MACROD2: variants seen among roughly 807,000 people sequenced by gnomAD.
MACROD2 encodes the protein mono-ADP ribosylhydrolase 2, also known as ADP-ribose glycohydrolase MACROD2.
A neutral mutation model predicts 70.4 loss-of-function variants in MACROD2; 36 were observed. The ratio of observed to expected loss-of-function variants is 0.51; its 90% confidence interval spans 0.39 to 0.68. MACROD2 has a LOEUF of 0.68. MACROD2 is among the 30% of genes least tolerant of loss of function. MACROD2 has a pLI of 0.00. For missense variants in MACROD2, 496 were observed against 538.4 expected, an observed-to-expected ratio of 0.92 and a Z score of 0.78; for synonymous variants, 172 against 178.8, an observed-to-expected ratio of 0.96 and a Z score of 0.30.
At chr20:15,703,192 C>A (rs559317121) in intron 8 of MACROD2, among the ~76,000 whole-genome samples, 2 of 152,280 alleles carry the variant, frequency 1.3e-5, no homozygotes, top group African/African-American at 4.8e-5. Flanking sequence ...TAGAATTCTG[C>A]AAGAAAACCT....
chr20:14,620,835 A>G (rs1983786693), intron 4 of MACROD2, among the ~76,000 whole-genome samples: 1 of 152,100 alleles, frequency 6.6e-6, no homozygotes, highest in African/African-American at 2.4e-5. Context: ...TTTAATTTAA[A>G]TGAGTTTATT....
At chr20:14,154,620 G>A (rs980955603) in intron 3 of MACROD2, among the ~76,000 whole-genome samples, 22 of 141,524 alleles carry the variant, frequency 1.6e-4, no homozygotes, top group African/African-American at 5.6e-4. Flanking sequence ...CACCATGTTA[G>A]CCAGGATGGT....
At chr20:14,111,786 TGG>T (rs2148685709) in intron 3 of MACROD2, among the ~76,000 whole-genome samples, 1 of 152,142 alleles carries the variant, frequency 6.6e-6, no homozygotes, top group Admixed American at 6.6e-5. Context: ...ACAATCACTG[TGG>T]AGAACAGTTT....
chr20:15,342,547 A>G (rs1275909993), intron 6 of MACROD2, among the ~76,000 whole-genome samples: 2 of 152,178 alleles, frequency 1.3e-5, no homozygotes, highest in Non-Finnish European at 2.9e-5. Flanking sequence ...ACAAAAATGT[A>G]TGGGATGGGG....
chr20:15,432,242 A>G lies in MACROD2; in HGVS notation c.571+807A>G, dbSNP rs113010376. Among the ~76,000 whole-genome samples, 1,191 of 152,256 alleles carry G rather than the reference A, an allele frequency of 7.8e-3. 19 individuals carry two copies. The highest frequency in any genetic ancestry group is 0.027 in the African/African-American group (1,108 of 41,566). ...TATTTTAAATTCATTATTACAATGAAGGACTACCTAGATTGATGTCAAAGG... is the reference window on the plus strand; with the variant it reads ...TATTTTAAATTCATTATTACAATGAGGGACTACCTAGATTGATGTCAAAGG... On this transcript the variant is annotated intron_variant, in intron 7 of 17. Coordinates refer to ENST00000684519, the MANE Select transcript of MACROD2 (RefSeq NM_001351661.2).
intron 10 of MACROD2, among the ~76,000 whole-genome samples, chr20:15,923,550 A>G (rs2065443805): frequency 6.6e-6 from 1 of 152,144 alleles, no homozygotes; most frequent in African/African-American, 2.4e-5. Flanking sequence ...TAGCAGCAGC[A>G]TCACCCAGGA....
chr20:14,019,037 A>G (rs1320708925), intron 2 of MACROD2, among the ~76,000 whole-genome samples: 1 of 152,080 alleles, frequency 6.6e-6, no homozygotes, highest in Non-Finnish European at 1.5e-5. Flanking sequence ...TGACCCTTAA[A>G]TTAACTCTGC....
intron 5 of MACROD2, among the ~76,000 whole-genome samples, chr20:15,221,991 G>A (rs770026245): frequency 6.6e-6 from 1 of 152,140 alleles, no homozygotes; most frequent in South Asian, 2.1e-4. Flanking sequence ...GAGAACCATA[G>A]CATCAAGGAG....
Position 14,093,993 on chromosome 20 carries a change from AT to A in MACROD2, c.271+8275del, listed in dbSNP as rs67148022. 4.2e-3 allele frequency among the ~76,000 whole-genome samples: 624 copies of A among 150,338 alleles called. 1 individual carries two copies. The highest frequency in any genetic ancestry group is 7.0e-3 in the African/African-American group (286 of 41,014). ...GAGGGCTGAGGTTTTTTTTTTTAAA[AT>A]TTTTTTTTTATTTTTTAGAAGATGG... On this transcript the variant is annotated intron_variant, in intron 3 of 17. Coordinates refer to ENST00000684519, the MANE Select transcript of MACROD2 (RefSeq NM_001351661.2).
At chr20:14,075,383 G>GT (rs1370800934) in intron 2 of MACROD2, among the ~76,000 whole-genome samples, 1 of 152,160 alleles carries the variant, frequency 6.6e-6, no homozygotes, top group Non-Finnish European at 1.5e-5. Context: ...CAACAGCCGA[G>GT]TGTAATACTA....
At chr20:15,876,457 G>T (rs1382843299) in intron 9 of MACROD2, among the ~76,000 whole-genome samples, 2 of 151,968 alleles carry the variant, frequency 1.3e-5, no homozygotes, top group Non-Finnish European at 2.9e-5. Context: ...CCTTTTTTAT[G>T]GCTGCATAGT....
intron 8 of MACROD2, among the ~76,000 whole-genome samples, chr20:15,585,622 C>T (rs1026709689): frequency 1.3e-5 from 2 of 152,176 alleles, no homozygotes; most frequent in African/African-American, 4.8e-5. Flanking sequence ...AGCTCTCTCC[C>T]CCAGGGATGG....
chr20:16,039,478 G>C (rs888433976), intron 15 of MACROD2, among the ~76,000 whole-genome samples: 1 of 142,390 alleles, frequency 7.0e-6, no homozygotes, highest in Non-Finnish European at 1.6e-5. Context: ...TACGATAAAA[G>C]GTGCAAATAT....
intron 10 of MACROD2, among the ~76,000 whole-genome samples, chr20:15,923,975 T>C (rs2065451208): frequency 6.6e-6 from 1 of 152,262 alleles, no homozygotes; most frequent in South Asian, 2.1e-4. Flanking sequence ...CTCTTGTTTT[T>C]ATACTTGTCA....
rs75007600 is a variant in MACROD2, at chr20:14,238,363, C to G, written c.271+152635C>G. ...CTTTTAATGAAATTCAACATCCATT[C>G]AGGTTAGAAATACTCAACACACCAG... is the stretch of plus-strand genomic sequence containing the variant. On this transcript the variant is annotated intron_variant, in intron 3 of 17. Coordinates refer to ENST00000684519, the MANE Select transcript of MACROD2 (RefSeq NM_001351661.2). Among the ~76,000 whole-genome samples the G allele has an allele frequency of 9.5e-4, 144 of 152,200 alleles. 1 individual carries two copies. In the Middle Eastern group the frequency reaches 0.01, roughly 11 times the overall value.
intron 8 of MACROD2, among the ~76,000 whole-genome samples, chr20:15,788,464 TATG>T (rs200289776): frequency 0.029 from 4,424 of 152,294 alleles, 242 homozygotes; most frequent in African/African-American, 0.1. Flanking sequence ...TAAATTGAGT[TATG>T]ACATGAGTTT....
chr20:15,599,381 ACT>A (rs141568207), intron 8 of MACROD2, among the ~76,000 whole-genome samples: 1,692 of 151,730 alleles, frequency 0.011, 41 homozygotes, highest in African/African-American at 0.039. Flanking sequence ...ACAGAGCAAG[ACT>A]CTGTCTCAAA....
At chr20:14,344,467 CACTT>C (rs1431407931) in intron 3 of MACROD2, among the ~76,000 whole-genome samples, 13 of 152,254 alleles carry the variant, frequency 8.5e-5, no homozygotes, top group East Asian at 3.9e-4. Context: ...TAACTAGACT[CACTT>C]AGTTCATTCT....
chr20:14,996,911 T>A (rs887811918), intron 5 of MACROD2, among the ~76,000 whole-genome samples: 1 of 152,176 alleles, frequency 6.6e-6, no homozygotes, highest in African/African-American at 2.4e-5. Context: ...CTAGACTGCC[T>A]TTCAGATAAA....
Sources: allele counts gnomAD v4.1 joint callset (sites outside exome capture counted in the v4.1 genomes callset), GRCh38; gene constraint gnomAD v4.1.1; transcripts MANE v1.5; gene names NCBI Gene and HGNC (gene_info 2026-07-23, HGNC 2026-07-21).